The following FRMPD4 variants were observed in gnomAD, a reference collection of about 807,000 sequenced individuals.
FRMPD4 encodes the protein FERM and PDZ domain containing 4, also known as FERM and PDZ domain-containing protein 4.
FRMPD4 carries 22 observed loss-of-function variants against 94.1 expected under a neutral mutation model. The observed-to-expected ratio is 0.23, with a 90% CI of 0.17 to 0.33. The LOEUF is 0.33. Among genes scored for constraint, FRMPD4 ranks in the 10% least tolerant of loss-of-function variants. The pLI is 1.00. For synonymous variants in FRMPD4, 631 were observed against 548.6 expected (o/e 1.15, Z -2.10); for missense variants, 1,111 against 1,339.9 (o/e 0.83, Z 2.67).
intron 3 of FRMPD4, among the ~76,000 whole-genome samples, chrX:12,066,877 G>GTTTTTT (rs748986990): frequency 3.3e-4 from 32 of 97,364 alleles, no homozygotes; most frequent in Non-Finnish European, 5.6e-4. Flanking sequence ...TTTTGTTTTT[G>GTTTTTT]TTTTTTTTTT....
chrX:12,058,611 G>A (rs1025800341), intron 3 of FRMPD4, among the ~76,000 whole-genome samples: 14 of 111,159 alleles, frequency 1.3e-4, no homozygotes, highest in African/African-American at 4.6e-4. Flanking sequence ...TCTTATTTAC[G>A]ATGAAACAAA....
intron 11 of FRMPD4, among the ~76,000 whole-genome samples, chrX:12,705,214 TTAAG>T (rs933560385): frequency 3.6e-5 from 4 of 112,077 alleles, no homozygotes; most frequent in African/African-American, 9.7e-5. Context: ...TTTGTTTTCA[TTAAG>T]TAAGAGAAAC....
intron 3 of FRMPD4, among the ~76,000 whole-genome samples, chrX:12,107,265 C>T (rs961368983): frequency 6.2e-5 from 7 of 112,110 alleles, no homozygotes; most frequent in African/African-American, 9.7e-5. Context: ...CTGCAGCCTC[C>T]GCTGCTGATA....
At chrX:12,274,965 C>T (rs192760527) in intron 1 of FRMPD4, among the ~76,000 whole-genome samples, 4 of 111,804 alleles carry the variant, frequency 3.6e-5, no homozygotes, top group Admixed American at 1.9e-4. Context: ...GCGGTGATCG[C>T]GCCACTGCAC....
At chrX:12,568,089 T>G (rs1448362454) in intron 2 of FRMPD4, among the ~76,000 whole-genome samples, 2 of 111,368 alleles carry the variant, frequency 1.8e-5, no homozygotes, top group African/African-American at 6.5e-5. Context: ...AAATCAGCCT[T>G]GAATGGGCAA....
At chrX:12,709,254 C>A (rs1301496898) in intron 13 of FRMPD4, among the ~76,000 whole-genome samples, 1 of 111,520 alleles carries the variant, frequency 9.0e-6, no homozygotes, top group Non-Finnish European at 1.9e-5. Flanking sequence ...GCTGGGGGCG[C>A]TGAATCCGCC....
At chrX:12,044,706 T>C (rs2054776003) in intron 3 of FRMPD4, among the ~76,000 whole-genome samples, 1 of 111,915 alleles carries the variant, frequency 8.9e-6, no homozygotes, top group Non-Finnish European at 1.9e-5. Flanking sequence ...TCTAAAGTTC[T>C]GCTCTTTCAG....
intron 1 of FRMPD4, among the ~76,000 whole-genome samples, chrX:12,467,053 A>G (rs2057456910): frequency 9.0e-6 from 1 of 111,575 alleles, no homozygotes. Flanking sequence ...TGTGTCTGCT[A>G]TATGAGTGCA....
At chrX:12,232,917 G>A (rs1015865290) in intron 1 of FRMPD4, among the ~76,000 whole-genome samples, 1 of 111,967 alleles carries the variant, frequency 8.9e-6, no homozygotes, top group Non-Finnish European at 1.9e-5. Context: ...AGTAAGTACA[G>A]GATTCTTTCA....
At chrX:12,202,157 C>G (rs1381437858) in intron 1 of FRMPD4, among the ~76,000 whole-genome samples, 1 of 111,336 alleles carries the variant, frequency 9.0e-6, no homozygotes, top group African/African-American at 3.3e-5. Context: ...TACAATATAG[C>G]TAAGAATCTT....
chrX:12,118,665 T>C (rs1296063333), intron 3 of FRMPD4, among the ~76,000 whole-genome samples: 1 of 111,620 alleles, frequency 9.0e-6, no homozygotes, highest in East Asian at 2.8e-4. Flanking sequence ...CATCCGGTGG[T>C]GAAGATGGCC....
At position 12,479,449 on chromosome X, in the gene FRMPD4, T is replaced by TATACAC. The variant is rs1383053672; in HGVS notation, c.42-19228_42-19227insCACATA. On this transcript the variant is annotated intron_variant, in intron 1 of 16. Coordinates refer to ENST00000675598, the MANE Select transcript of FRMPD4 (RefSeq NM_001368397.1). ...GTATATATATACACACATATATGTATATATATGTATATATGTATATATATG... is the reference window on the plus strand; with the variant it reads ...GTATATATATACACACATATATGTATATACACATATATGTATATATGTATATATATG... Among the ~76,000 whole-genome samples, 150 of 101,838 alleles carry TATACAC rather than the reference T, an allele frequency of 1.5e-3. 1 individual carries two copies. The East Asian group carries it at 0.032, about 22-fold the overall frequency. The allele number at this position is 101,838 out of a possible 115,157, so 88.4% of individuals were successfully genotyped here.
intron 2 of FRMPD4, among the ~76,000 whole-genome samples, chrX:12,539,079 G>T (rs1355573337): frequency 8.9e-6 from 1 of 112,147 alleles, no homozygotes; most frequent in Non-Finnish European, 1.9e-5. Flanking sequence ...AACCAATGCA[G>T]AGAAGTCCTT....
At chrX:12,277,282 A>C (rs1433787529) in intron 1 of FRMPD4, among the ~76,000 whole-genome samples, 3 of 111,812 alleles carry the variant, frequency 2.7e-5, no homozygotes, top group Non-Finnish European at 5.6e-5. Context: ...CCTTTGTAGC[A>C]AAAGACAGAT....
At chrX:12,367,670 C>T (rs904689168) in intron 1 of FRMPD4, among the ~76,000 whole-genome samples, 1 of 110,859 alleles carries the variant, frequency 9.0e-6, no homozygotes, top group African/African-American at 3.3e-5. Flanking sequence ...AAAGGAGATG[C>T]TTCGAGGTCC....
intron 3 of FRMPD4, among the ~76,000 whole-genome samples, chrX:11,910,401 T>C (rs899237801): frequency 8.9e-6 from 1 of 112,210 alleles, no homozygotes; most frequent in Non-Finnish European, 1.9e-5. Flanking sequence ...TTTATAGTAA[T>C]ATAAGATTAG....
In FRMPD4 at chrX:12,708,222, A is replaced by G. The variant is rs764904066; in HGVS notation, c.1470+571A>G. Reference sequence around the variant, plus strand: ...TGCGGTGGCTGATGCCTGTAATCTCAGCACTTTGGGAGGCCGAGGCGGGCG... The same window carrying G: ...TGCGGTGGCTGATGCCTGTAATCTCGGCACTTTGGGAGGCCGAGGCGGGCG... On this transcript the variant is annotated intron_variant, in intron 13 of 16. Transcript: ENST00000675598. 4.5e-5 allele frequency among the ~76,000 whole-genome samples: 5 copies of G among 111,437 alleles called. No individual in the cohort carries two copies. The East Asian group carries it at 1.4e-3, about 31-fold the overall frequency.
At position 12,655,754 on chromosome X, in the gene FRMPD4, GCTTTCAT is replaced by G. The variant is rs2059648169; in HGVS notation, c.423-19107_423-19101del. Among the ~76,000 whole-genome samples the G allele has an allele frequency of 5.4e-5, 6 of 112,040 alleles. No individual in the cohort carries two copies. In the South Asian group the frequency reaches 2.2e-3, roughly 42 times the overall value. ...CAAACAAAAAGACAATGGAAAGAAA[GCTTTCAT>G]CCTGGAAGCATGTCAAAGCAGCCCA... On this transcript the variant is annotated intron_variant, in intron 4 of 16. Coordinates refer to ENST00000675598, the MANE Select transcript of FRMPD4 (RefSeq NM_001368397.1).
rs1321108651 is a variant in FRMPD4 at position 11,869,452 on chromosome X, C to CGAA, written c.-30+4236_-30+4237insGAA. 6.3e-5 allele frequency among the ~76,000 whole-genome samples: 7 copies of CGAA among 111,490 alleles called. No individual in the cohort carries two copies. In the East Asian group the frequency reaches 1.1e-3, roughly 18 times the overall value. ...TCAAAATAACTAAGGGAGTAAATTT[C>CGAA]AAATGTCTCACCATGAAAAAGGATA... On this transcript the variant is annotated intron_variant, in intron 2 of 18. Coordinates refer to the FRMPD4 transcript ENST00000640291.
Sources: gnomAD v4.1 joint callset for allele counts (sites outside exome capture counted in the v4.1 genomes callset) on GRCh38, gnomAD v4.1.1 for gene constraint, MANE v1.5 for transcripts, NCBI Gene and HGNC (gene_info 2026-07-23, HGNC 2026-07-21) for gene names.